The following EEA1 variants were observed in gnomAD, a reference collection of about 807,000 sequenced individuals.
EEA1 encodes the protein early endosome antigen 1, 162kD.
In EEA1, 111 loss-of-function variants were observed where a neutral mutation model predicts 209.2. That is an observed-to-expected ratio of 0.53 (90% CI 0.45 to 0.62). The LOEUF (loss-of-function observed/expected upper bound fraction) is 0.62. EEA1 is among the 20% of genes least tolerant of loss of function. EEA1 has a pLI of 0.00. For missense variants in EEA1, 1,343 were observed against 1,530.8 expected (o/e 0.88, Z 2.05); for synonymous variants, 536 against 540.6 (o/e 0.99, Z 0.12).
rs1222254753 is a variant in EEA1, at chr12:92,773,549, C to T, written c.*2462G>A. ...TAGGTATAGTTTATTGTACACTAACCCAGCAAGACTTAATTTTAACTCACA... is the reference window on the plus strand; with the variant it reads ...TAGGTATAGTTTATTGTACACTAACTCAGCAAGACTTAATTTTAACTCACA... On this transcript the variant is annotated 3_prime_UTR_variant, in exon 29 of 29. Coordinates refer to ENST00000322349, the MANE Select transcript of EEA1 (RefSeq NM_003566.4). 2 of 151,814 alleles carry T rather than the reference C, an allele frequency of 1.3e-5. No homozygotes were observed. The highest frequency in any genetic ancestry group is 4.8e-5 in the African/African-American group (2 of 41,340). The allele number at this position is 151,814 out of a possible 1,614,324, so 9.4% of individuals were successfully genotyped here. A position where few individuals can be genotyped will look rare whatever the true frequency, so the allele number is the denominator to read the frequency against.
At chr12:92,923,379 T>G (rs527290847) in intron 1 of EEA1, among the ~76,000 whole-genome samples, 1 of 152,282 alleles carries the variant, frequency 6.6e-6, no homozygotes, top group East Asian at 1.9e-4. Flanking sequence ...TGTGGCTCCT[T>G]ACTGTCTACA....
In EEA1 at chr12:92,819,308, T is replaced by C; in HGVS notation, c.1728A>G (p.Gln576=). 6.3e-7 allele frequency: 1 copy of C among 1,583,984 alleles called. No individual in the cohort carries two copies. Among genetic ancestry groups the C allele is most frequent in the Non-Finnish European group, 8.6e-7 (1 of 1,168,452 alleles). The change falls in exon 14 of 29, where the codon CAA becomes CAG. Residue 576 remains glutamine (Q), a splice_region_variant and synonymous_variant. Transcript: ENST00000322349. ...AATATAATATATTTTACAAGCTTAC[T>C]TGCTCCTGTAGTGTATGGTTTTTTT... ...LQEKNHTLQE[Q]VTQLTEKLKN...
Position 92,775,784 on chromosome 12 carries a change from A to C in EEA1, c.*227T>G. On this transcript the variant is annotated 3_prime_UTR_variant, in exon 29 of 29. Coordinates refer to ENST00000322349, the MANE Select transcript of EEA1 (RefSeq NM_003566.4). ...TAATTCTAAACTTGGCATGAAAGCT[A>C]TTCCAGGGGCTAAATGGGAAAAAAG... 1 of 368,322 alleles carries C rather than the reference A, an allele frequency of 2.7e-6. No homozygotes were observed. The highest frequency in any genetic ancestry group is 4.8e-6 in the Non-Finnish European group (1 of 208,398). The allele number at this position is 368,322 out of a possible 1,614,324, so 22.8% of individuals were successfully genotyped here.
Position 92,771,749 on chromosome 12 carries a change from G to A in EEA1, c.*4262C>T, listed in dbSNP as rs970355359. ...GTTTAGATATAAACTAACCTCGGAGGTGAGCAGTGGACTAGGATGAGGTGG... is the reference window on the plus strand; with the variant it reads ...GTTTAGATATAAACTAACCTCGGAGATGAGCAGTGGACTAGGATGAGGTGG... On this transcript the variant is annotated 3_prime_UTR_variant, in exon 29 of 29. Coordinates refer to ENST00000322349, the MANE Select transcript of EEA1 (RefSeq NM_003566.4). The A allele has an allele frequency of 6.6e-6, 1 of 151,978 alleles. No homozygotes were observed. Among genetic ancestry groups the A allele is most frequent in the African/African-American group, 2.4e-5 (1 of 41,414 alleles). The allele number at this position is 151,978 out of a possible 1,614,324, so 9.4% of individuals were successfully genotyped here.
intron 21 of EEA1, among the ~76,000 whole-genome samples, chr12:92,797,003 T>C (rs1431392650): frequency 2.0e-5 from 3 of 152,240 alleles, no homozygotes; most frequent in African/African-American, 7.2e-5. Flanking sequence ...TGAACATCTC[T>C]AGATTACTTA....
intron 12 of EEA1, among the ~76,000 whole-genome samples, chr12:92,827,212 C>CT (rs562545206): frequency 1.8e-3 from 270 of 152,142 alleles, no homozygotes; most frequent in African/African-American, 6.3e-3. Context: ...TAAATATTAG[C>CT]TGGGCGTAGT....
At chr12:92,904,546 C>T (rs2136769511) in intron 1 of EEA1, among the ~76,000 whole-genome samples, 1 of 152,324 alleles carries the variant, frequency 6.6e-6, no homozygotes, top group African/African-American at 2.4e-5. Flanking sequence ...GGATCAGTCC[C>T]TTAAGACTGC....
chr12:92,825,935 T>C (rs1381744014), intron 13 of EEA1, among the ~76,000 whole-genome samples: 4 of 150,706 alleles, frequency 2.7e-5, no homozygotes, highest in Non-Finnish European at 4.4e-5. Context: ...ATAAATATTT[T>C]ACATTATGTT....
rs1880669869 is a variant in EEA1, at chr12:92,913,900, A to T, written c.24+15143T>A. On this transcript the variant is annotated intron_variant, in intron 1 of 28. Coordinates refer to ENST00000322349, the MANE Select transcript of EEA1 (RefSeq NM_003566.4). Reference sequence around the variant, plus strand: ...GGTCTTCAACTCATGACCTCAGGTGATCCGCCCGCCTAGGCCTCCCAAAGT... The same window carrying T: ...GGTCTTCAACTCATGACCTCAGGTGTTCCGCCCGCCTAGGCCTCCCAAAGT... Among the ~76,000 whole-genome samples the T allele has an allele frequency of 2.0e-5, 3 of 152,114 alleles. 1 individual carries two copies. The South Asian group carries it at 6.2e-4, about 32-fold the overall frequency.
At chr12:92,876,071 T>C (rs1878865041) in intron 2 of EEA1, among the ~76,000 whole-genome samples, 1 of 152,068 alleles carries the variant, frequency 6.6e-6, no homozygotes, top group Non-Finnish European at 1.5e-5. Context: ...CTTGATACAT[T>C]TTTTATTTAT....
At chr12:92,881,396 A>G (rs533258212) in intron 2 of EEA1, among the ~76,000 whole-genome samples, 66 of 152,068 alleles carry the variant, frequency 4.3e-4, no homozygotes, top group African/African-American at 1.6e-3. Context: ...CAACAGAGTG[A>G]GATGGAGAGG....
intron 1 of EEA1, among the ~76,000 whole-genome samples, chr12:92,915,576 A>G (rs2136781931): frequency 6.6e-6 from 1 of 152,364 alleles, no homozygotes; most frequent in East Asian, 1.9e-4. Flanking sequence ...AAGAAAGAAT[A>G]GCTGGCTTGC....
In EEA1 at chr12:92,774,119, A is replaced by G. The variant is rs1280011441; in HGVS notation, c.*1892T>C. ...TTCCAGCACACTTATTAAGTTATTT[A>G]TATGTAAAAGGATAGAATTAAAACT... On this transcript the variant is annotated 3_prime_UTR_variant, in exon 29 of 29. Transcript: ENST00000322349. 3 of 149,952 alleles carry G rather than the reference A, an allele frequency of 2.0e-5. No homozygotes were observed. Among genetic ancestry groups the G allele is most frequent in the South Asian group, 4.2e-4 (2 of 4,792 alleles). 9.3% of individuals were successfully genotyped at this position (149,952 alleles called of 1,614,324 possible).
chr12:92,843,047 T>C (rs1054169030), intron 9 of EEA1, among the ~76,000 whole-genome samples: 5 of 152,140 alleles, frequency 3.3e-5, no homozygotes, highest in South Asian at 2.1e-4. Context: ...GTAAAGAAAA[T>C]ATCTTTGTCC....
intron 3 of EEA1, chr12:92,859,233 G>C: frequency 6.2e-7 from 1 of 1,612,534 alleles, no homozygotes; most frequent in Non-Finnish European, 8.5e-7. Context: ...ACTTTGGTAG[G>C]GACAGCTTCC....
chr12:92,894,155 C>CT (rs1879770960), intron 1 of EEA1, among the ~76,000 whole-genome samples: 1 of 152,158 alleles, frequency 6.6e-6, no homozygotes, highest in African/African-American at 2.4e-5. Flanking sequence ...TTTTGAGGCA[C>CT]TACAACCCAT....
intron 24 of EEA1, 60 bp downstream of exon 24, chr12:92,780,219 AT>A: frequency 1.3e-6 from 2 of 1,504,292 alleles, no homozygotes; most frequent in Non-Finnish European, 1.8e-6. Context: ...GTATGGGTAT[AT>A]ATATTTCTTT....
intron 9 of EEA1, among the ~76,000 whole-genome samples, chr12:92,848,883 C>T (rs1048106308): frequency 5.5e-4 from 84 of 152,036 alleles, no homozygotes; most frequent in African/African-American, 1.9e-3. Flanking sequence ...CAGGTACGTG[C>T]CAGCACGTCT....
At chr12:92,864,182 T>C (rs1463899134) in intron 3 of EEA1, among the ~76,000 whole-genome samples, 1 of 152,178 alleles carries the variant, frequency 6.6e-6, no homozygotes, top group Non-Finnish European at 1.5e-5. Context: ...CATATTTTCC[T>C]TTATGTAGTA....
Sources: gnomAD v4.1 joint callset for allele counts (sites outside exome capture counted in the v4.1 genomes callset) on GRCh38, gnomAD v4.1.1 for gene constraint, MANE v1.5 for transcripts, NCBI Gene and HGNC (gene_info 2026-07-23, HGNC 2026-07-21) for gene names.